Variants in NBEA observed in about 807,000 individuals in gnomAD.
NBEA encodes neurobeachin.
A neutral mutation model predicts 343.4 loss-of-function variants in NBEA; 44 were observed. The ratio of observed to expected loss-of-function variants is 0.13; its 90% CI spans 0.10 to 0.16. The LOEUF is 0.16. NBEA is among the 10% of genes least tolerant of loss of function. The pLI is 1.00. For missense variants in NBEA, 2,555 were observed against 3,631.3 expected, an observed-to-expected ratio of 0.70 and a Z score of 7.62; for synonymous variants, 1,175 against 1,238.7, an observed-to-expected ratio of 0.95 and a Z score of 1.08.
rs573836494 is a variant in NBEA, at chr13:35,293,909, AT to A, written c.5838+3461del. Among the ~76,000 whole-genome samples the A allele has an allele frequency of 1.6e-3, 240 of 152,162 alleles. 1 individual carries two copies. Among genetic ancestry groups the A allele is most frequent in the African/African-American group, 5.6e-3 (232 of 41,552 alleles). Reference sequence around the variant, plus strand: ...TCTGTCAATAGAAAACATTTTATAAATTGAGAAACTGTACATTTAAAAAATT... The same window carrying A: ...TCTGTCAATAGAAAACATTTTATAAATGAGAAACTGTACATTTAAAAAATT... On this transcript the variant is annotated intron_variant, in intron 35 of 58. Transcript: ENST00000379939.
In NBEA at chr13:34,946,678, G is replaced by A. The variant is rs892570605; in HGVS notation, c.294+3564G>A. ...GTGAGTTATATCAGTGTGTCCAGTT[G>A]TAGAAAATGATATTTCCTCTGATTT... On this transcript the variant is annotated intron_variant, in intron 1 of 58. Coordinates refer to ENST00000379939, the MANE Select transcript of NBEA (RefSeq NM_001385012.1). Among the ~76,000 whole-genome samples the A allele has an allele frequency of 3.4e-5, 5 of 148,774 alleles. No homozygotes were observed. The East Asian group carries it at 9.8e-4, about 29-fold the overall frequency.
chr13:35,375,168 TACAC>T (rs2041667715), intron 38 of NBEA, among the ~76,000 whole-genome samples: 1 of 152,174 alleles, frequency 6.6e-6, no homozygotes, highest in African/African-American at 2.4e-5. Context: ...TTCAAAGCAG[TACAC>T]ACACAACTTT....
At chr13:35,170,999 T>G in intron 25 of NBEA, 1 of 502,560 alleles carries the variant, frequency 2.0e-6, no homozygotes, top group South Asian at 1.8e-5. Context: ...GAAATGATCT[T>G]AAGTTTAGGA....
Position 35,654,850 on chromosome 13 carries a change from T to C in NBEA, c.8036-5T>C, listed in dbSNP as rs755424417. 1 of 1,566,180 alleles carries C rather than the reference T, an allele frequency of 6.4e-7. No homozygotes were observed. The highest frequency in any genetic ancestry group is 1.2e-5 in the South Asian group (1 of 80,394). Reference sequence around the variant, plus strand: ...CTTCAAATGCTTTTTTCCATTTACTTTTAGCCAATAATTCAGGTGTAAACA... The same window carrying C: ...CTTCAAATGCTTTTTTCCATTTACTCTTAGCCAATAATTCAGGTGTAAACA... On this transcript the variant is annotated splice_region_variant and splice_polypyrimidine_tract_variant and intron_variant, in intron 53 of 58. Transcript: ENST00000379939.
chr13:35,658,952 G>A (rs185837150), intron 55 of NBEA, among the ~76,000 whole-genome samples: 178 of 152,266 alleles, frequency 1.2e-3, no homozygotes, highest in African/African-American at 4.2e-3. Context: ...CCTGTGGTTT[G>A]ACATAGACAT....
chr13:35,603,428 C>A (rs144491749), intron 47 of NBEA, among the ~76,000 whole-genome samples: 4 of 152,236 alleles, frequency 2.6e-5, no homozygotes, highest in South Asian at 4.1e-4. Context: ...TCCTATGTTT[C>A]TTGCGCCTTT....
rs948907579 is a variant in NBEA at position 35,179,832 on chromosome 13, T to C, written c.4663-2528T>C. The C allele has an allele frequency of 1.5e-5, 15 of 975,058 alleles. No individual in the cohort carries two copies. The African/African-American group carries it at 2.5e-4, about 16-fold the overall frequency. The allele number at this position is 975,058 out of a possible 1,614,324, so 60.4% of individuals were successfully genotyped here. ...TTTTCTTAATCTGATTGTGCTTCAT[T>C]TTCCTTTGTAATAACTGCTTAGGCA... On this transcript the variant is annotated intron_variant, in intron 28 of 58. Transcript: ENST00000379939.
At chr13:35,002,576 CTG>C (rs2061178072) in intron 1 of NBEA, among the ~76,000 whole-genome samples, 1 of 152,092 alleles carries the variant, frequency 6.6e-6, no homozygotes, top group African/African-American at 2.4e-5. Flanking sequence ...TAGAAAATGA[CTG>C]TATTAAAACT....
In NBEA at chr13:35,364,990, G is replaced by C. The variant is rs2041019156; in HGVS notation, c.6179+12667G>C. ...ATAGAACTCTAATACAGGTCACATT[G>C]GTAAGAGTAACTATTTAAAAGCACT... is the stretch of plus-strand genomic sequence containing the variant. On this transcript the variant is annotated intron_variant, in intron 38 of 58. Coordinates refer to ENST00000379939, the MANE Select transcript of NBEA (RefSeq NM_001385012.1). Among the ~76,000 whole-genome samples, 6 of 151,654 alleles carry C rather than the reference G, an allele frequency of 4.0e-5. No individual in the cohort carries two copies. In the South Asian group the frequency reaches 1.2e-3, roughly 32 times the overall value.
At chr13:35,465,108 T>G (rs1467011927) in intron 40 of NBEA, among the ~76,000 whole-genome samples, 1 of 152,122 alleles carries the variant, frequency 6.6e-6, no homozygotes, top group East Asian at 1.9e-4. Context: ...ATTTTTAAAT[T>G]TATATTTTCT....
At chr13:35,391,601 T>C (rs893774507) in intron 38 of NBEA, among the ~76,000 whole-genome samples, 2 of 152,174 alleles carry the variant, frequency 1.3e-5, no homozygotes, top group Non-Finnish European at 2.9e-5. Context: ...TACATGTGTG[T>C]TAATATTTAC....
At chr13:35,502,631 G>A (rs898280876) in intron 41 of NBEA, among the ~76,000 whole-genome samples, 1 of 151,958 alleles carries the variant, frequency 6.6e-6, no homozygotes, top group Non-Finnish European at 1.5e-5. Flanking sequence ...GGGTTTGTGG[G>A]TCTGTACATT....
intron 49 of NBEA, among the ~76,000 whole-genome samples, chr13:35,641,715 A>G (rs1327475048): frequency 1.3e-5 from 2 of 152,134 alleles, no homozygotes; most frequent in Non-Finnish European, 2.9e-5. Flanking sequence ...CAAGGTTACC[A>G]GTATCTATGT....
chr13:35,484,851 T>G (rs922962780), intron 41 of NBEA, among the ~76,000 whole-genome samples: 9 of 152,106 alleles, frequency 5.9e-5, no homozygotes, highest in Non-Finnish European at 1.3e-4. Flanking sequence ...TGTTATTGAT[T>G]ATGTTTCCAA....
intron 16 of NBEA, among the ~76,000 whole-genome samples, chr13:35,122,233 G>A (rs1409366847): frequency 6.6e-6 from 1 of 151,964 alleles, no homozygotes. Flanking sequence ...CCTTACCAAA[G>A]GATTATAAAT....
chr13:34,970,535 T>G (rs2152498621), intron 1 of NBEA, among the ~76,000 whole-genome samples: 1 of 152,328 alleles, frequency 6.6e-6, no homozygotes, highest in Middle Eastern at 3.4e-3. Context: ...AAGTTTTTAA[T>G]ACATCTTGAG....
At chr13:35,479,265 G>A (rs1312561511) in intron 41 of NBEA, among the ~76,000 whole-genome samples, 2 of 152,116 alleles carry the variant, frequency 1.3e-5, no homozygotes, top group Non-Finnish European at 2.9e-5. Context: ...AGGATTCACC[G>A]GTCCGCGATT....
At chr13:35,423,742 G>A (rs878951728) in intron 38 of NBEA, among the ~76,000 whole-genome samples, 2 of 152,124 alleles carry the variant, frequency 1.3e-5, no homozygotes, top group Non-Finnish European at 2.9e-5. Context: ...ACCTTGGGCA[G>A]TATGGCCATT....
intron 31 of NBEA, among the ~76,000 whole-genome samples, chr13:35,200,166 A>G: frequency 6.6e-6 from 1 of 152,024 alleles, no homozygotes; most frequent in Middle Eastern, 3.2e-3. Context: ...CAAGTTGCCA[A>G]GTTCTCTAAC....
Sources: gnomAD v4.1 joint callset for allele counts (sites outside exome capture counted in the v4.1 genomes callset) on GRCh38, gnomAD v4.1.1 for gene constraint, MANE v1.5 for transcripts, NCBI Gene and HGNC (gene_info 2026-07-23, HGNC 2026-07-21) for gene names.